The following KLHL28 variants were observed in gnomAD, a reference collection of about 807,000 sequenced individuals.
KLHL28 encodes the protein kelch like family member 28.
A neutral mutation model predicts 48.3 loss-of-function variants in KLHL28; 22 were observed. The observed-to-expected ratio is 0.46, with a 90% CI of 0.33 to 0.65. The LOEUF (loss-of-function observed/expected upper bound fraction) is 0.65. Among genes scored for constraint, KLHL28 ranks in the 30% least tolerant of loss-of-function variants. The pLI is 0.03. For synonymous variants in KLHL28, 243 were observed against 242.4 expected, an observed-to-expected ratio of 1.00 and a Z score of -0.02; for missense variants, 527 against 704.3, an observed-to-expected ratio of 0.75 and a Z score of 2.85.
At chr14:44,940,278 A>T (rs981506324) in intron 2 of KLHL28, among the ~76,000 whole-genome samples, 5 of 152,220 alleles carry the variant, frequency 3.3e-5, no homozygotes. Flanking sequence ...ACATTGTTCC[A>T]ACAGCAATTA....
At position 44,934,577 on chromosome 14, in the gene KLHL28, A is replaced by G; in HGVS notation, c.900-19T>C. The G allele has an allele frequency of 6.6e-7, 1 of 1,518,582 alleles. No homozygotes were observed. Among genetic ancestry groups the G allele is most frequent in the East Asian group, 2.3e-5 (1 of 43,884 alleles). 94.1% of individuals were successfully genotyped at this position (1,518,582 alleles called of 1,614,324 possible). The stretch of plus-strand genomic sequence containing the variant: ...CTCCACACTAAAGAATAAGCAGAAA[A>G]AATATAAAATTTAAAAACCAAAGTG... On this transcript the variant is annotated intron_variant, in intron 2 of 4. Transcript: ENST00000396128.
At chr14:44,935,009 T>C (rs1266434491) in intron 2 of KLHL28, among the ~76,000 whole-genome samples, 1 of 152,222 alleles carries the variant, frequency 6.6e-6, no homozygotes, top group Non-Finnish European at 1.5e-5. Flanking sequence ...GAAAAAGGCA[T>C]GCATACATAT....
Position 44,945,734 on chromosome 14 carries a change from A to G in KLHL28, c.195T>C (p.Thr65=). ...TGTTCTCTTTTTCAGAAAGGTTTCC[A>G]GTGAACATAGCTTTGAAATACGGGC... is the stretch of plus-strand genomic sequence containing the variant. The part of the protein sequence containing the change: ...SVSPYFKAMF[T]GNLSEKENSE... Residue 65 remains threonine (T), a synonymous_variant, in exon 2 of 5, where the codon ACT becomes ACC. Coordinates refer to ENST00000396128, the MANE Select transcript of KLHL28 (RefSeq NM_017658.5). 5.0e-6 allele frequency: 8 copies of G among 1,614,180 alleles called. No individual in the cohort carries two copies. The highest frequency in any genetic ancestry group is 6.8e-6 in the Non-Finnish European group (8 of 1,180,012).
At chr14:44,956,414 G>A (rs1884795792) in intron 1 of KLHL28, among the ~76,000 whole-genome samples, 1 of 152,106 alleles carries the variant, frequency 6.6e-6, no homozygotes, top group African/African-American at 2.4e-5. Flanking sequence ...CCTTCTGATG[G>A]AAAAACATAA....
intron 1 of KLHL28, among the ~76,000 whole-genome samples, chr14:44,949,714 T>TA (rs1224388317): frequency 6.6e-6 from 1 of 152,138 alleles, no homozygotes; most frequent in Non-Finnish European, 1.5e-5. Flanking sequence ...GGGATAAATG[T>TA]AAAAATTCTA....
At chr14:44,952,903 T>TA (rs74789218) in intron 1 of KLHL28, among the ~76,000 whole-genome samples, 2,445 of 126,092 alleles carry the variant, frequency 0.019, 45 homozygotes, top group African/African-American at 0.051. Flanking sequence ...GTAAGTACCA[T>TA]AAAAAAAAAA....
At chr14:44,929,683 A>G (rs1004443960) in intron 4 of KLHL28, among the ~76,000 whole-genome samples, 7 of 152,182 alleles carry the variant, frequency 4.6e-5, no homozygotes, top group Non-Finnish European at 1.0e-4. Context: ...TGATGGAAAA[A>G]CAAAATCCTT....
intron 4 of KLHL28, among the ~76,000 whole-genome samples, chr14:44,929,748 A>G (rs1883505208): frequency 6.6e-6 from 1 of 152,194 alleles, no homozygotes; most frequent in South Asian, 2.1e-4. Context: ...CAAAAGTTTG[A>G]GGCAGCGGTG....
At position 44,934,192 on chromosome 14, in the gene KLHL28, T is replaced by G. The variant is rs758862979; in HGVS notation, c.1266A>C (p.Thr422=). ...ATACCGCTGCAGCAAAACAACTTCTTGTTGTCGTCATTGGTGCCACAGGTT... is the reference window on the plus strand; with the variant it reads ...ATACCGCTGCAGCAAAACAACTTCTGGTTGTCGTCATTGGTGCCACAGGTT... The part of the protein sequence containing the change: ...KWQPVAPMTT[T]RSCFAAAVLD... The change falls in exon 3 of 5, where the codon ACA becomes ACC. Residue 422 remains threonine (T), a synonymous_variant. Transcript: ENST00000396128. 3 of 1,614,124 alleles carry G rather than the reference T, an allele frequency of 1.9e-6. No individual in the cohort carries two copies. The highest frequency in any genetic ancestry group is 2.5e-6 in the Non-Finnish European group (3 of 1,179,994).
chr14:44,934,195 T>G lies in KLHL28; in HGVS notation c.1263A>C (p.Thr421=). Residue 421 remains threonine, a synonymous_variant, in exon 3 of 5, where the codon ACA becomes ACC. Coordinates refer to ENST00000396128, the MANE Select transcript of KLHL28 (RefSeq NM_017658.5). ...RKWQPVAPMT[T]TRSCFAAAVL... ...CCGCTGCAGCAAAACAACTTCTTGT[T>G]GTCGTCATTGGTGCCACAGGTTGCC... The G allele has an allele frequency of 6.2e-7, 1 of 1,614,180 alleles. No individual in the cohort carries two copies. Among genetic ancestry groups the G allele is most frequent in the East Asian group, 2.2e-5 (1 of 44,880 alleles).
At chr14:44,934,843 G>T (rs1057189054) in intron 2 of KLHL28, among the ~76,000 whole-genome samples, 1 of 152,142 alleles carries the variant, frequency 6.6e-6, no homozygotes, top group African/African-American at 2.4e-5. Flanking sequence ...TCCTGACTCA[G>T]TAATTACATT....
chr14:44,937,976 C>T (rs1295601404), intron 2 of KLHL28, among the ~76,000 whole-genome samples: 3 of 152,200 alleles, frequency 2.0e-5, no homozygotes, highest in African/African-American at 7.2e-5. Flanking sequence ...TAATACTGTT[C>T]AATGGCAATT....
intron 2 of KLHL28, among the ~76,000 whole-genome samples, chr14:44,940,491 G>A (rs1246872769): frequency 1.3e-5 from 2 of 152,096 alleles, no homozygotes; most frequent in African/African-American, 4.8e-5. Context: ...CCATCCTTAT[G>A]ACTCCTTATG....
chr14:44,937,649 T>G (rs1377719409), intron 2 of KLHL28, among the ~76,000 whole-genome samples: 1 of 152,326 alleles, frequency 6.6e-6, no homozygotes, highest in East Asian at 1.9e-4. Context: ...GTGTCTTAGT[T>G]CATTTTCTGC....
chr14:44,937,661 G>A (rs528422031), intron 2 of KLHL28, among the ~76,000 whole-genome samples: 8 of 152,246 alleles, frequency 5.3e-5, no homozygotes, highest in Admixed American at 2.6e-4. Context: ...ATTTTCTGCC[G>A]ATATAACAGA....
Position 44,934,392 on chromosome 14 carries a change from C to G in KLHL28, c.1066G>C (p.Val356Leu). The change falls in exon 3 of 5, where the codon GTG becomes CTG. Residue 356 changes from valine to leucine, a missense_variant. Transcript: ENST00000396128. ...GVTIRKHENS[V>L]ECWNPDTNTW... is the part of the protein sequence containing the mutation. Reference sequence around the variant, plus strand: ...TTTGTATCAGGATTCCAGCATTCCACTGAATTTTCATGTTTTCTGATAGTG... The same window carrying G: ...TTTGTATCAGGATTCCAGCATTCCAGTGAATTTTCATGTTTTCTGATAGTG... 6.2e-7 allele frequency: 1 copy of G among 1,614,122 alleles called. No individual in the cohort carries two copies. The highest frequency in any genetic ancestry group is 1.1e-5 in the South Asian group (1 of 91,080).
At chr14:44,931,767 C>T (rs925851046) in intron 3 of KLHL28, among the ~76,000 whole-genome samples, 1 of 152,068 alleles carries the variant, frequency 6.6e-6, no homozygotes, top group African/African-American at 2.4e-5. Context: ...ATTGTGCAAG[C>T]GGCAAAGTAT....
At position 44,927,783 on chromosome 14, in the gene KLHL28, A is replaced by G. The variant is rs772740211; in HGVS notation, c.*1245T>C. On this transcript the variant is annotated 3_prime_UTR_variant, in exon 5 of 5. Coordinates refer to ENST00000396128, the MANE Select transcript of KLHL28 (RefSeq NM_017658.5). ...AGTTACCTAAGAAATGTACAAAGTA[A>G]TGCATAACTGCCTAGTGCTTTATAT... 6.6e-6 allele frequency: 1 copy of G among 152,616 alleles called. No individual in the cohort carries two copies. Among genetic ancestry groups the G allele is most frequent in the Non-Finnish European group, 1.5e-5 (1 of 68,012 alleles). 9.5% of individuals were successfully genotyped at this position (152,616 alleles called of 1,614,324 possible).
chr14:44,931,409 A>G lies in KLHL28; in HGVS notation c.1476T>C (p.His492=), dbSNP rs1272471153. Reference sequence around the variant, plus strand: ...GATCGTATCTTTCAATGCTGGACAAATGTGAGACTCCATTATGTCCACCCA... The same window carrying G: ...GATCGTATCTTTCAATGCTGGACAAGTGTGAGACTCCATTATGTCCACCCA... ...FVVGGHNGVS[H]LSSIERYDPH... is the part of the protein sequence containing the mutation. Residue 492 remains histidine (H), a synonymous_variant, in exon 4 of 5, where the codon CAT becomes CAC. Transcript: ENST00000396128. The G allele has an allele frequency of 6.2e-7, 1 of 1,614,082 alleles. No homozygotes were observed.
Sources: allele counts gnomAD v4.1 joint callset (sites outside exome capture counted in the v4.1 genomes callset), GRCh38; gene constraint gnomAD v4.1.1; transcripts MANE v1.5; gene names NCBI Gene and HGNC (gene_info 2026-07-23, HGNC 2026-07-21).